ZZZ3: variants seen among roughly 807,000 people sequenced by gnomAD.
ZZZ3 encodes zinc finger ZZ-type containing 3.
ZZZ3 carries 22 observed loss-of-function variants against 95.2 expected under a neutral mutation model. The observed-to-expected ratio is 0.23, with a 90% CI of 0.17 to 0.33. The LOEUF (loss-of-function observed/expected upper bound fraction) is 0.33. ZZZ3 is among the 10% of genes least tolerant of loss of function. The pLI is 1.00. For missense variants in ZZZ3, 885 were observed against 1,066.5 expected (o/e 0.83, Z 2.37); for synonymous variants, 335 against 358.9 (o/e 0.93, Z 0.75).
intron 1 of ZZZ3, among the ~76,000 whole-genome samples, chr1:77,675,720 T>A (rs1672200993): frequency 6.6e-6 from 1 of 152,140 alleles, no homozygotes; most frequent in Non-Finnish European, 1.5e-5. Flanking sequence ...AGCCATTTAA[T>A]AAAATTAACA....
At chr1:77,664,043 C>G (rs901790929) in intron 1 of ZZZ3, among the ~76,000 whole-genome samples, 4 of 151,712 alleles carry the variant, frequency 2.6e-5, no homozygotes, top group Non-Finnish European at 5.9e-5. Context: ...AGCCATGGCA[C>G]CCGGCTAATA....
chr1:77,667,635 T>C (rs779454964), intron 1 of ZZZ3, among the ~76,000 whole-genome samples: 1 of 152,168 alleles, frequency 6.6e-6, no homozygotes, highest in Non-Finnish European at 1.5e-5. Context: ...AGATTGTGAA[T>C]GCTCTATTAA....
At chr1:77,583,799 T>C (rs930988906) in intron 6 of ZZZ3, among the ~76,000 whole-genome samples, 8 of 152,182 alleles carry the variant, frequency 5.3e-5, no homozygotes, top group African/African-American at 1.9e-4. Flanking sequence ...ATTAACATTA[T>C]ACCTCTCAAA....
chr1:77,610,595 A>G (rs747204733), intron 5 of ZZZ3, among the ~76,000 whole-genome samples: 19 of 152,106 alleles, frequency 1.2e-4, no homozygotes, highest in Non-Finnish European at 2.8e-4. Context: ...TCAACAATAC[A>G]TTAAAAAAAA....
chr1:77,661,052 ACG>A (rs1670732139), intron 1 of ZZZ3, among the ~76,000 whole-genome samples: 2 of 149,256 alleles, frequency 1.3e-5, no homozygotes, highest in African/African-American at 2.5e-5. Flanking sequence ...AATTGCTTTA[ACG>A]CAAAAAAAAA....
At chr1:77,583,180 T>C (rs1662708248) in intron 6 of ZZZ3, among the ~76,000 whole-genome samples, 1 of 151,984 alleles carries the variant, frequency 6.6e-6, no homozygotes, top group African/African-American at 2.4e-5. Flanking sequence ...CAGGAAATAA[T>C]CAACTGCATG....
chr1:77,569,203 G>A (rs779279488), intron 12 of ZZZ3, among the ~76,000 whole-genome samples: 3 of 152,158 alleles, frequency 2.0e-5, no homozygotes, highest in Non-Finnish European at 2.9e-5. Context: ...TGGGCATGGT[G>A]GCACGCACCT....
At chr1:77,601,991 C>T (rs1037820135) in intron 5 of ZZZ3, among the ~76,000 whole-genome samples, 2 of 152,204 alleles carry the variant, frequency 1.3e-5, no homozygotes, top group African/African-American at 4.8e-5. Flanking sequence ...CTCTGCTAAT[C>T]TGCTGAATGA....
At chr1:77,658,613 C>G (rs1348140145) in intron 1 of ZZZ3, among the ~76,000 whole-genome samples, 1 of 151,944 alleles carries the variant, frequency 6.6e-6, no homozygotes, top group Admixed American at 6.6e-5. Context: ...ATCCTCCCGC[C>G]TTGGCTTCCT....
chr1:77,647,300 C>T lies in ZZZ3; in HGVS notation c.-402-5645G>A, dbSNP rs541344422. 1.6e-4 allele frequency among the ~76,000 whole-genome samples: 25 copies of T among 152,280 alleles called. 1 individual carries two copies. The highest frequency in any genetic ancestry group is 2.9e-4 in the Non-Finnish European group (20 of 68,018). On this transcript the variant is annotated intron_variant, in intron 1 of 14. Transcript: ENST00000370801. ...TTGGGAGGCCAAGGCAGGCAGATCA[C>T]TTGAGGCCAGGGGTTCAAAACCGGC...
chr1:77,606,452 T>A (rs1202541189), intron 5 of ZZZ3, among the ~76,000 whole-genome samples: 2 of 152,014 alleles, frequency 1.3e-5, no homozygotes, highest in Non-Finnish European at 2.9e-5. Flanking sequence ...CTGGCTGGGG[T>A]TGCTACATGA....
intron 4 of ZZZ3, among the ~76,000 whole-genome samples, chr1:77,639,087 G>GTAGGTAGT (rs1668544594): frequency 6.6e-6 from 1 of 152,042 alleles, no homozygotes; most frequent in Non-Finnish European, 1.5e-5. Flanking sequence ...AGGTAGGTAG[G>GTAGGTAGT]TAGGCAGGCA....
intron 5 of ZZZ3, among the ~76,000 whole-genome samples, chr1:77,599,420 G>A (rs934291851): frequency 2.6e-5 from 4 of 151,718 alleles, no homozygotes; most frequent in Non-Finnish European, 5.9e-5. Context: ...TTTGAAATAG[G>A]TATTATTACC....
intron 12 of ZZZ3, among the ~76,000 whole-genome samples, chr1:77,572,551 G>A (rs984454742): frequency 3.9e-5 from 6 of 152,046 alleles, no homozygotes. Flanking sequence ...TATTGGCCAG[G>A]CTGGTCTCCA....
intron 1 of ZZZ3, among the ~76,000 whole-genome samples, chr1:77,665,989 C>T (rs1168848492): frequency 1.3e-5 from 2 of 152,122 alleles, no homozygotes; most frequent in Non-Finnish European, 2.9e-5. Context: ...TGCCGTGAGC[C>T]GAGATTGCGC....
At chr1:77,629,538 C>G (rs1019423133) in intron 5 of ZZZ3, among the ~76,000 whole-genome samples, 1 of 151,906 alleles carries the variant, frequency 6.6e-6, no homozygotes, top group African/African-American at 2.4e-5. Context: ...GGGAGGATAA[C>G]CTAAGCCTGG....
chr1:77,679,496 T>A (rs1455380393), intron 1 of ZZZ3, among the ~76,000 whole-genome samples: 1 of 151,968 alleles, frequency 6.6e-6, no homozygotes, highest in African/African-American at 2.4e-5. Context: ...AGAAACGTGG[T>A]CTGACTATGT....
chr1:77,647,122 T>A (rs556172436), intron 1 of ZZZ3, among the ~76,000 whole-genome samples: 6 of 152,352 alleles, frequency 3.9e-5, no homozygotes, highest in Non-Finnish European at 7.3e-5. Context: ...GTGGTATATA[T>A]ACTTCCACCA....
At chr1:77,597,473 GA>G (rs1664324353) in intron 5 of ZZZ3, among the ~76,000 whole-genome samples, 1 of 151,900 alleles carries the variant, frequency 6.6e-6, no homozygotes, top group Admixed American at 6.6e-5. Flanking sequence ...AAAAGGGGAG[GA>G]AAAAAGAATA....
Sources: allele counts gnomAD v4.1 joint callset (sites outside exome capture counted in the v4.1 genomes callset), GRCh38; gene constraint gnomAD v4.1.1; transcripts MANE v1.5; gene names NCBI Gene and HGNC (gene_info 2026-07-23, HGNC 2026-07-21).